Variants in ZMIZ2 observed in about 807,000 individuals in gnomAD.
ZMIZ2 encodes zinc finger MIZ domain-containing protein 2.
A neutral mutation model predicts 93.9 loss-of-function variants in ZMIZ2; 26 were observed. That is an observed-to-expected ratio of 0.28 (90% CI 0.20 to 0.38). The LOEUF (loss-of-function observed/expected upper bound fraction) is 0.38. Ranked by LOEUF, ZMIZ2 falls within the 10% of genes least tolerant of loss-of-function variation. The pLI, the probability that ZMIZ2 is intolerant of heterozygous loss-of-function variation, is 1.00. For synonymous variants in ZMIZ2, 485 were observed against 516.4 expected (o/e 0.94, Z 0.82); for missense variants, 1,023 against 1,235.0 (o/e 0.83, Z 2.57).
Position 44,766,627 on chromosome 7 carries a change from G to A in ZMIZ2, c.2619G>A (p.Met873Ile). The change falls in exon 18 of 19, where the codon ATG becomes ATA. Residue 873 changes from methionine (M) to isoleucine (I), a missense_variant. Transcript: ENST00000309315. This position sits in a 1 kb window ranked among gnomAD's most constrained non-coding sequence, Gnocchi z 4.4. The part of the protein sequence containing the change: ...PATGVMGPPS[M>I]SGAGEAPEPA... ...CAGGCGTGATGGGGCCCCCCAGCAT[G>A]TCTGGAGCCGGGGAGGCCCCAGAAC... 6.2e-7 allele frequency: 1 copy of A among 1,613,280 alleles called. No individual in the cohort carries two copies. The highest frequency in any genetic ancestry group is 8.5e-7 in the Non-Finnish European group (1 of 1,180,004).
At chr7:44,762,754 C>G (rs768518063) in intron 11 of ZMIZ2, 127 bp from the exon 12 acceptor site, 37 of 574,466 alleles carry the variant, frequency 6.4e-5, no homozygotes, top group Non-Finnish European at 9.9e-5. Flanking sequence ...CCCAGCTCAC[C>G]CTGCCCTCAG....
At chr7:44,756,126 A>G (rs1049635544) in intron 1 of ZMIZ2, 62 bp from the exon 2 acceptor site, 1 of 1,389,598 alleles carries the variant, frequency 7.2e-7, no homozygotes, top group African/African-American at 1.4e-5. Flanking sequence ...GGGTCCCTCC[A>G]CCCTGCTGAA....
Position 44,748,863 on chromosome 7 carries a change from G to T in ZMIZ2, c.-191G>T, listed in dbSNP as rs1789862449. The T allele has an allele frequency of 6.7e-6, 1 of 148,678 alleles. No individual in the cohort carries two copies. The highest frequency in any genetic ancestry group is 2.4e-5 in the African/African-American group (1 of 40,954). 9.2% of individuals were successfully genotyped at this position (148,678 alleles called of 1,614,324 possible). On this transcript the variant is annotated 5_prime_UTR_variant, in exon 1 of 19. Coordinates refer to ENST00000309315, the MANE Select transcript of ZMIZ2 (RefSeq NM_031449.4). Reference sequence around the variant, plus strand: ...GGCGGCTCCATTGTGCCCTCGGAGCGGGCGGCGGCGCGATGGCGCGGGTGG... The same window carrying T: ...GGCGGCTCCATTGTGCCCTCGGAGCTGGCGGCGGCGCGATGGCGCGGGTGG...
chr7:44,765,761 T>C lies in ZMIZ2; in HGVS notation c.2242+182T>C. 2 of 1,064,148 alleles carry C rather than the reference T, an allele frequency of 1.9e-6. No homozygotes were observed. Among genetic ancestry groups the C allele is most frequent in the South Asian group, 1.7e-5 (1 of 60,020 alleles). The allele number at this position is 1,064,148 out of a possible 1,614,324, so 65.9% of individuals were successfully genotyped here. ...CCCTCCCATCTCAGGGACGTGGCGG[T>C]GAAGGCACAGTCTCAGCTATGGTCC... On this transcript the variant is annotated intron_variant, in intron 16 of 18. Coordinates refer to ENST00000309315, the MANE Select transcript of ZMIZ2 (RefSeq NM_031449.4). This position sits in a 1 kb window ranked among gnomAD's most constrained non-coding sequence, Gnocchi z 4.1.
At chr7:44,762,405 C>T (rs1334408467) in intron 11 of ZMIZ2, among the ~76,000 whole-genome samples, 1 of 152,160 alleles carries the variant, frequency 6.6e-6, no homozygotes, top group Non-Finnish European at 1.5e-5. Flanking sequence ...TCAGGGTCAC[C>T]CTTGGGCTAG....
rs1790604281 is a variant in ZMIZ2, at chr7:44,756,520, G to A, written c.146G>A (p.Gly49Asp). The A allele has an allele frequency of 6.2e-7, 1 of 1,614,034 alleles. No individual in the cohort carries two copies. The highest frequency in any genetic ancestry group is 1.7e-5 in the Admixed American group (1 of 60,030). Residue 49 changes from glycine to aspartate, a missense_variant, in exon 3 of 19, where the codon GGC becomes GAC. By Grantham distance (94) the Gly-to-Asp change is moderately conservative. Around this residue, in one of 3 missense-constraint regions of ZMIZ2, gnomAD observed 656 missense variants for 777.1 expected, o/e 0.84. Transcript: ENST00000309315. ...GTGGTCACTACTGTGTGGGGAGTTG[G>A]CAACGCGACACAGAGCCAGGTAAGC... ...LSVVTTVWGV[G>D]NATQSQVLGN...
Position 44,756,570 on chromosome 7 carries a change from C to T in ZMIZ2, c.165+31C>T, listed in dbSNP as rs1404779187. The T allele has an allele frequency of 5.0e-6, 8 of 1,608,386 alleles. No homozygotes were observed. The Admixed American group carries it at 1.0e-4, about 20-fold the overall frequency. On this transcript the variant is annotated intron_variant, in intron 3 of 18. Transcript: ENST00000309315. ...CACCCACTGGTGCCCCACCCCCGAG[C>T]AGACAGAGCCTCCCAGCACTTGGCA...
chr7:44,761,202 G>A lies in ZMIZ2; in HGVS notation c.1241-247G>A, dbSNP rs1298001207. 6.6e-6 allele frequency among the ~76,000 whole-genome samples: 1 copy of A among 152,246 alleles called. No homozygotes were observed. The highest frequency in any genetic ancestry group is 1.5e-5 in the Non-Finnish European group (1 of 68,046). On this transcript the variant is annotated intron_variant, in intron 9 of 18. Coordinates refer to ENST00000309315, the MANE Select transcript of ZMIZ2 (RefSeq NM_031449.4). The surrounding 1 kb of genome is among the most constrained non-coding windows in gnomAD (Gnocchi z 5.8). ...CCTATTATGGTTTAGGGGACACTGGGCTGGACTGCTGAGGCAGGAGGCAAG... is the reference window on the plus strand; with the variant it reads ...CCTATTATGGTTTAGGGGACACTGGACTGGACTGCTGAGGCAGGAGGCAAG...
chr7:44,757,700 G>A (rs1194691218), intron 5 of ZMIZ2, 139 bp downstream of exon 5: 1 of 1,391,422 alleles, frequency 7.2e-7, no homozygotes, highest in Non-Finnish European at 9.4e-7. Context: ...AGATGTGTGG[G>A]AAGGAGTGAG....
chr7:44,762,779 CACCTGGCAG>C, intron 11 of ZMIZ2, 93 bp from the exon 12 acceptor site: 6 of 802,234 alleles, frequency 7.5e-6, no homozygotes, highest in South Asian at 5.8e-5. Flanking sequence ...GTCCCTCCCC[CACCTGGCAG>C]CCCCTGACAC....
chr7:44,757,224 A>G, intron 4 of ZMIZ2, 75 bp downstream of exon 4: 1 of 1,518,008 alleles, frequency 6.6e-7, no homozygotes, highest in Non-Finnish European at 8.7e-7. Flanking sequence ...TGTGGCGCTG[A>G]TCAGCTGGAC....
rs781667706 is a variant in ZMIZ2 at position 44,765,500 on chromosome 7, C to T, written c.2163C>T (p.Ala721=). The T allele has an allele frequency of 1.8e-5, 28 of 1,599,194 alleles. No individual in the cohort carries two copies. Among genetic ancestry groups the T allele is most frequent in the Non-Finnish European group, 2.1e-5 (25 of 1,179,528 alleles). The change falls in exon 16 of 19, where the codon GCC becomes GCT. Residue 721 remains alanine, a synonymous_variant. Transcript: ENST00000309315. The surrounding 1 kb of genome is among the most constrained non-coding windows in gnomAD (Gnocchi z 4.1). ...VLMPSVMEMI[A]ALGPGAAPFA... ...TGCCCAGCGTGATGGAGATGATCGC[C>T]GCCCTGGGCCCCGGCGCTGCCCCCT...
intron 11 of ZMIZ2, among the ~76,000 whole-genome samples, 187 bp downstream of exon 11, chr7:44,762,092 T>C (rs1286365242): frequency 2.0e-5 from 3 of 152,196 alleles, no homozygotes; most frequent in African/African-American, 7.2e-5. Context: ...GTCTGCTGTT[T>C]TGCTGTCCAC....
rs1279929143 is a variant in ZMIZ2, at chr7:44,766,255, AC to A, written c.2340del (p.Ile781SerfsTer12). The A allele has an allele frequency of 2.7e-6, 4 of 1,458,710 alleles. No individual in the cohort carries two copies. The highest frequency in any genetic ancestry group is 1.9e-5 in the Admixed American group (1 of 53,636). 90.4% of individuals were successfully genotyped at this position (1,458,710 alleles called of 1,614,324 possible). A position where few individuals can be genotyped will look rare whatever the true frequency, so the allele number is the denominator to read the frequency against. On this transcript the variant is annotated frameshift_variant, in exon 17 of 19. Coordinates refer to ENST00000309315, the MANE Select transcript of ZMIZ2 (RefSeq NM_031449.4). LOFTEE classifies it high-confidence loss of function. The surrounding 1 kb of genome is among the most constrained non-coding windows in gnomAD (Gnocchi z 4.4). ...CCCTTGCTGAGTTCACCCCGGGACC[AC>A]CCCCCATCTCCTACCAGTCTGACAT... ...PTLAEFTPGP[P>X]PISYQSDIPS...
Position 44,767,823 on chromosome 7 carries a change from G to A in ZMIZ2, c.*200G>A, listed in dbSNP as rs996500418. ...GCTCGATGGGAGGGGCTCCCAGGCC[G>A]GCAGCCCTTGCCACCTCCCTCTGCC... On this transcript the variant is annotated 3_prime_UTR_variant, in exon 19 of 19. Transcript: ENST00000309315. 42 of 602,672 alleles carry A rather than the reference G, an allele frequency of 7.0e-5. No homozygotes were observed. The highest frequency in any genetic ancestry group is 5.7e-4 in the Admixed American group (20 of 34,972). The allele number at this position is 602,672 out of a possible 1,614,324, so 37.3% of individuals were successfully genotyped here.
intron 7 of ZMIZ2, chr7:44,759,799 A>C: frequency 2.3e-6 from 1 of 442,212 alleles, no homozygotes; most frequent in Non-Finnish European, 4.0e-6. Context: ...CATTCCTTCT[A>C]CTTGCTGCAG....
Position 44,763,549 on chromosome 7 carries a change from GCCAA to G in ZMIZ2, c.1860+137_1860+140del. The G allele has an allele frequency of 7.9e-7, 1 of 1,258,002 alleles. No individual in the cohort carries two copies. Among genetic ancestry groups the G allele is most frequent in the Non-Finnish European group, 1.1e-6 (1 of 922,752 alleles). The allele number at this position is 1,258,002 out of a possible 1,614,324, so 77.9% of individuals were successfully genotyped here. ...CAGGCTGACAGGACAGGCCTCCCAC[GCCAA>G]GGAGGCAGGTGGGCCTGGCTCCCCC... On this transcript the variant is annotated intron_variant, in intron 13 of 18. Coordinates refer to ENST00000309315, the MANE Select transcript of ZMIZ2 (RefSeq NM_031449.4). The surrounding 1 kb of genome is among the most constrained non-coding windows in gnomAD (Gnocchi z 5.6).
In ZMIZ2 at chr7:44,763,165, AG is replaced by A. The variant is rs368602891; in HGVS notation, c.1703-90del. On this transcript the variant is annotated intron_variant, in intron 12 of 18. Transcript: ENST00000309315. The surrounding 1 kb of genome is among the most constrained non-coding windows in gnomAD (Gnocchi z 5.6). ...GGCCCCTCAGAGCTGTCAGTGGGTC[AG>A]TGACTGGGTCCCTGCCTCGTTGGCA... The A allele has an allele frequency of 5.5e-4, 849 of 1,552,654 alleles. 8 individuals are homozygous for A. In the East Asian group the frequency reaches 0.018, roughly 33 times the overall value.
chr7:44,764,315 G>A, intron 13 of ZMIZ2, 104 bp from the exon 14 acceptor site: 1 of 1,041,246 alleles, frequency 9.6e-7, no homozygotes, highest in Non-Finnish European at 1.5e-6. Context: ...TCTCAGTTAT[G>A]CATGTAAATA....
Sources: allele counts gnomAD v4.1 joint callset (sites outside exome capture counted in the v4.1 genomes callset), GRCh38; gene constraint gnomAD v4.1.1; regional missense constraint gnomAD v4.1.1; non-coding constraint Gnocchi (gnomAD v3.1); transcripts MANE v1.5; gene names NCBI Gene and HGNC (gene_info 2026-07-23, HGNC 2026-07-21).